Variants in EPHA8 observed in about 807,000 individuals in gnomAD.
The protein encoded by EPHA8 is EPH receptor A8.
EPHA8 carries 58 observed loss-of-function variants against 103.6 expected under a neutral mutation model. The observed-to-expected ratio is 0.56, with a 90% CI of 0.45 to 0.70. The LOEUF (loss-of-function observed/expected upper bound fraction) is 0.70, where lower values mean the gene tolerates loss of function less well. Among genes scored for constraint, EPHA8 ranks in the 30% least tolerant of loss-of-function variants. The pLI is 0.00. For missense variants in EPHA8, 1,304 were observed against 1,395.2 expected, an observed-to-expected ratio of 0.93 and a Z score of 1.04; for synonymous variants, 559 against 572.5, an observed-to-expected ratio of 0.98 and a Z score of 0.34.
At chr1:22,600,398 G>A (rs1291620020) in intron 13 of EPHA8, among the ~76,000 whole-genome samples, 2 of 149,972 alleles carry the variant, frequency 1.3e-5, no homozygotes, top group South Asian at 2.1e-4. Context: ...AAACGACTAG[G>A]CTGTGGCCCC....
At chr1:22,578,005 G>GCGTGAGTGTATGTA (rs1640790465) in intron 3 of EPHA8, among the ~76,000 whole-genome samples, 1 of 29,470 alleles carries the variant, frequency 3.4e-5, no homozygotes, top group Non-Finnish European at 6.8e-5. Flanking sequence ...ACACCTGTGT[G>GCGTGAGTGTATGTA]TGCATGTGTA....
Position 22,578,839 on chromosome 1 carries a change from A to T in EPHA8, c.823+1959A>T, listed in dbSNP as rs998633460. On this transcript the variant is annotated intron_variant, in intron 3 of 16. Transcript: ENST00000166244. Reference sequence around the variant, plus strand: ...TGTACATGTGCATGCCTGTGTGTATATGCATGTGTGCATGCATGTGTGTAT... The same window carrying T: ...TGTACATGTGCATGCCTGTGTGTATTTGCATGTGTGCATGCATGTGTGTAT... 2.8e-5 allele frequency among the ~76,000 whole-genome samples: 4 copies of T among 142,660 alleles called. No homozygotes were observed. The East Asian group carries it at 6.5e-4, about 23-fold the overall frequency. 93.6% of individuals were successfully genotyped at this position (142,660 alleles called of 152,430 possible). A position where few individuals can be genotyped will look rare whatever the true frequency, so the allele number is the denominator to read the frequency against.
At chr1:22,571,645 G>C (rs771195108) in intron 2 of EPHA8, among the ~76,000 whole-genome samples, 7 of 152,204 alleles carry the variant, frequency 4.6e-5, no homozygotes, top group Non-Finnish European at 8.8e-5. Flanking sequence ...GGAATGAGAT[G>C]CCTGATTTCC....
Position 22,569,365 on chromosome 1 carries a change from G to A in EPHA8, c.159+12G>A. 6.3e-7 allele frequency: 1 copy of A among 1,580,286 alleles called. No homozygotes were observed. The highest frequency in any genetic ancestry group is 8.6e-7 in the Non-Finnish European group (1 of 1,164,030). ...ATCCGGCTCATGGGGTGAGTGATGG[G>A]CACTGGGGACAACGTCATCCCTCTG... On this transcript the variant is annotated intron_variant, in intron 2 of 16. Transcript: ENST00000166244. This position sits in a 1 kb window ranked among gnomAD's most constrained non-coding sequence, Gnocchi z 4.5.
At chr1:22,593,742 G>A in intron 7 of EPHA8, 56 bp downstream of exon 7, 1 of 1,470,124 alleles carries the variant, frequency 6.8e-7, no homozygotes, top group Non-Finnish European at 9.0e-7. Context: ...GGACCCTGGG[G>A]TCGGGGGGTG....
chr1:22,600,392 G>A (rs949208577), intron 13 of EPHA8, among the ~76,000 whole-genome samples: 4 of 149,636 alleles, frequency 2.7e-5, no homozygotes, highest in Non-Finnish European at 4.4e-5. Flanking sequence ...GTTAGAAAAC[G>A]ACTAGGCTGT....
At chr1:22,582,332 G>C (rs560197598) in intron 3 of EPHA8, among the ~76,000 whole-genome samples, 1 of 152,222 alleles carries the variant, frequency 6.6e-6, no homozygotes, top group African/African-American at 2.4e-5. Context: ...CAGGGGTTGA[G>C]AGCCTGAGAC....
At chr1:22,575,832 A>G (rs1349347325) in intron 2 of EPHA8, among the ~76,000 whole-genome samples, 1 of 152,100 alleles carries the variant, frequency 6.6e-6, no homozygotes, top group Middle Eastern at 3.2e-3. Flanking sequence ...TGATATGGAA[A>G]CTGGACTTGC....
chr1:22,583,755 C>A (rs1046238399), intron 3 of EPHA8, among the ~76,000 whole-genome samples: 3 of 152,228 alleles, frequency 2.0e-5, no homozygotes, highest in African/African-American at 4.8e-5. Flanking sequence ...TCACTGAGCT[C>A]AGATAAAGGG....
intron 13 of EPHA8, among the ~76,000 whole-genome samples, chr1:22,599,438 G>T (rs942642674): frequency 2.0e-5 from 3 of 152,084 alleles, no homozygotes; most frequent in Admixed American, 1.3e-4. Context: ...CTTAGGGGCA[G>T]CCTTAAAGGC....
intron 1 of EPHA8, among the ~76,000 whole-genome samples, chr1:22,568,381 C>T (rs902976690): frequency 1.3e-5 from 2 of 152,180 alleles, no homozygotes; most frequent in African/African-American, 2.4e-5. Flanking sequence ...CCTTCCCTGC[C>T]GTGGAGACTA....
At chr1:22,577,948 A>AT (rs1640776476) in intron 3 of EPHA8, among the ~76,000 whole-genome samples, 1 of 2,448 alleles carries the variant, frequency 4.1e-4, no homozygotes. Flanking sequence ...TATGTGTGCG[A>AT]GTGTATGCAT....
At position 22,589,387 on chromosome 1, in the gene EPHA8, G is replaced by T; in HGVS notation, c.1315+181G>T. Reference sequence around the variant, plus strand: ...GCTCTTCATTGCCTTTAGAAAAGTGGAACACATTCTATAAGTAAGAGAAAT... The same window carrying T: ...GCTCTTCATTGCCTTTAGAAAAGTGTAACACATTCTATAAGTAAGAGAAAT... On this transcript the variant is annotated intron_variant, in intron 5 of 16. Coordinates refer to ENST00000166244, the MANE Select transcript of EPHA8 (RefSeq NM_020526.5). The surrounding 1 kb of genome is among the most constrained non-coding windows in gnomAD (Gnocchi z 4.3). 1 of 1,535,208 alleles carries T rather than the reference G, an allele frequency of 6.5e-7. No homozygotes were observed. The highest frequency in any genetic ancestry group is 1.2e-5 in the South Asian group (1 of 80,810).
rs778194934 is a variant in EPHA8, at chr1:22,601,364, G to C, written c.2794G>C (p.Gly932Arg). The C allele has an allele frequency of 1.2e-6, 2 of 1,609,534 alleles. No individual in the cohort carries two copies. Among genetic ancestry groups the C allele is most frequent in the Non-Finnish European group, 1.7e-6 (2 of 1,179,074 alleles). Residue 932 changes from glycine to arginine, a missense_variant, in exon 16 of 17, where the codon GGC becomes CGC. Gly to Arg is a moderately radical substitution (Grantham distance 125). Coordinates refer to ENST00000166244, the MANE Select transcript of EPHA8 (RefSeq NM_020526.5). ...DLRGGSGGGG[G>R]LTVGDWLDSI... Reference sequence around the variant, plus strand: ...CCGAGGGGGCAGCGGTGGCGGTGGGGGCCTCACCGTGGGGGACTGGCTGGA... The same window carrying C: ...CCGAGGGGGCAGCGGTGGCGGTGGGCGCCTCACCGTGGGGGACTGGCTGGA...
intron 9 of EPHA8, among the ~76,000 whole-genome samples, chr1:22,596,713 G>A (rs1366647813): frequency 2.0e-5 from 3 of 151,420 alleles, no homozygotes; most frequent in Non-Finnish European, 2.9e-5. Context: ...CAAGGCTGGA[G>A]TGCAGTGGCT....
At chr1:22,599,693 AGG>A (rs1389009649) in intron 13 of EPHA8, among the ~76,000 whole-genome samples, 1 of 24,326 alleles carries the variant, frequency 4.1e-5, no homozygotes, top group African/African-American at 3.2e-4. Context: ...GAAGGAAAGG[AGG>A]GAGGGAGGAA....
At chr1:22,578,422 G>A (rs946962671) in intron 3 of EPHA8, among the ~76,000 whole-genome samples, 6 of 131,680 alleles carry the variant, frequency 4.6e-5, no homozygotes, top group Non-Finnish European at 6.5e-5. Context: ...GTCTGCATGT[G>A]TACGTATGTG....
chr1:22,590,713 A>G (rs185601789), intron 5 of EPHA8, among the ~76,000 whole-genome samples: 3 of 151,946 alleles, frequency 2.0e-5, no homozygotes, highest in East Asian at 3.9e-4. Flanking sequence ...GCCCAGATCC[A>G]TCTTTTCTGG....
Position 22,593,316 on chromosome 1 carries a change from G to A in EPHA8, c.1316-10G>A, listed in dbSNP as rs1389078727. ...CCCCTCCGCCCATCTGACGGGATTG[G>A]CCGCCCCAGCCCCGTCCCAGGTGGT... On this transcript the variant is annotated splice_polypyrimidine_tract_variant and intron_variant, in intron 5 of 16. Coordinates refer to ENST00000166244, the MANE Select transcript of EPHA8 (RefSeq NM_020526.5). 1.9e-6 allele frequency: 3 copies of A among 1,554,942 alleles called. No individual in the cohort carries two copies. The highest frequency in any genetic ancestry group is 2.4e-5 in the East Asian group (1 of 42,088).
Sources: gnomAD v4.1 joint callset for allele counts (sites outside exome capture counted in the v4.1 genomes callset) on GRCh38, gnomAD v4.1.1 for gene constraint, Gnocchi (gnomAD v3.1) non-coding constraint, MANE v1.5 for transcripts, NCBI Gene and HGNC (gene_info 2026-07-23, HGNC 2026-07-21) for gene names.